CFAP70: variants seen among roughly 807,000 people sequenced by gnomAD.
The protein encoded by CFAP70 is cilia and flagella associated protein 70, also known as cilia- and flagella-associated protein 70.
A neutral mutation model predicts 137.6 loss-of-function variants in CFAP70; 81 were observed. The ratio of observed to expected loss-of-function variants is 0.59; its 90% CI spans 0.49 to 0.71. The LOEUF (loss-of-function observed/expected upper bound fraction) is 0.71, where lower values mean the gene tolerates loss of function less well. CFAP70 is among the 30% of genes least tolerant of loss of function. The pLI is 0.00. For missense variants in CFAP70, 976 were observed against 1,226.7 expected (o/e 0.80, Z 3.05); for synonymous variants, 382 against 423.6 (o/e 0.90, Z 1.20).
intron 25 of CFAP70, among the ~76,000 whole-genome samples, chr10:73,269,187 A>T (rs1470506037): frequency 6.6e-6 from 1 of 152,166 alleles, no homozygotes; most frequent in East Asian, 1.9e-4. Flanking sequence ...AAGTCTAACT[A>T]TGGGAGAGTT....
chr10:73,280,573 GTTT>G (rs1381648648), intron 19 of CFAP70, among the ~76,000 whole-genome samples: 1 of 152,056 alleles, frequency 6.6e-6, no homozygotes, highest in Non-Finnish European at 1.5e-5. Context: ...TTTGTGAGAG[GTTT>G]TTATTACCCA....
chr10:73,253,796 C>T, exon 27 of CFAP70: 1 of 482,000 alleles, frequency 2.1e-6, no homozygotes, highest in East Asian at 3.1e-5. Flanking sequence ...TTTATTGTGA[C>T]CCAGTTTCTC....
chr10:73,309,904 C>G (rs181249986), intron 12 of CFAP70, among the ~76,000 whole-genome samples: 11 of 152,182 alleles, frequency 7.2e-5, no homozygotes, highest in Admixed American at 2.0e-4. Context: ...CAATCCCCCC[C>G]ACCTTGGCCT....
chr10:73,300,010 C>T (rs1479722074), intron 12 of CFAP70, among the ~76,000 whole-genome samples: 2 of 152,048 alleles, frequency 1.3e-5, no homozygotes, highest in African/African-American at 4.8e-5. Context: ...AAATGGGTGT[C>T]AACATTTTAG....
At chr10:73,266,084 G>T (rs1008754266) in intron 25 of CFAP70, among the ~76,000 whole-genome samples, 1 of 152,044 alleles carries the variant, frequency 6.6e-6, no homozygotes, top group Non-Finnish European at 1.5e-5. Context: ...AAAGTTTTAT[G>T]ATTTTCCCCA....
intron 9 of CFAP70, among the ~76,000 whole-genome samples, chr10:73,320,170 T>C (rs561418762): frequency 6.6e-6 from 1 of 152,158 alleles, no homozygotes; most frequent in Non-Finnish European, 1.5e-5. Context: ...CTTTCATACT[T>C]TTCACTGCTT....
intron 25 of CFAP70, among the ~76,000 whole-genome samples, chr10:73,258,400 T>G (rs1042124522): frequency 6.6e-6 from 1 of 152,268 alleles, no homozygotes; most frequent in African/African-American, 2.4e-5. Context: ...ACTCTTATAA[T>G]TTCCTATGCC....
chr10:73,264,382 C>A (rs1007798610), intron 25 of CFAP70, among the ~76,000 whole-genome samples: 2 of 152,182 alleles, frequency 1.3e-5, no homozygotes, highest in Non-Finnish European at 2.9e-5. Flanking sequence ...GAATATATTT[C>A]TATAAATACA....
chr10:73,324,022 C>G (rs59769988), intron 8 of CFAP70, among the ~76,000 whole-genome samples: 23,413 of 152,202 alleles, frequency 0.15, 2,950 homozygotes, highest in African/African-American at 0.32. Flanking sequence ...AGAACGGGCA[C>G]ACTGCCTCTT....
intron 21 of CFAP70, 166 bp downstream of exon 22, chr10:73,277,074 A>G (rs1403495559): frequency 2.6e-6 from 2 of 761,082 alleles, no homozygotes; most frequent in Non-Finnish European, 3.9e-6. Flanking sequence ...ATGTGCAAAG[A>G]GTGGTTCATG....
chr10:73,331,178 T>C lies in CFAP70; in HGVS notation c.776A>G (p.Lys259Arg), dbSNP rs772842116. 3.1e-6 allele frequency: 5 copies of C among 1,607,510 alleles called. 1 individual carries two copies. The South Asian group carries it at 5.5e-5, about 18-fold the overall frequency. Residue 259 changes from lysine (K) to arginine (R), a missense_variant and splice_region_variant, in exon 8 of 27, where the codon AAG becomes AGG. Coordinates refer to ENST00000310715, the Ensembl canonical transcript of CFAP70. ...ATATTTTTGAGGGGGCATATTTACC[T>C]TTTCAGTTTTGCCAGCTTTCCCTTT...
chr10:73,299,385 T>C (rs2048770477), intron 13 of CFAP70, among the ~76,000 whole-genome samples: 2 of 152,214 alleles, frequency 1.3e-5, no homozygotes, highest in South Asian at 4.2e-4. Context: ...ACTTTAAATG[T>C]AAAATGCCCT....
exon 18 of CFAP70, chr10:73,291,746 C>A (rs1276156502): frequency 6.2e-7 from 1 of 1,614,146 alleles, no homozygotes; most frequent in Non-Finnish European, 8.5e-7. Flanking sequence ...GGACACCACA[C>A]AGCAACAAGC....
intron 26 of CFAP70, among the ~76,000 whole-genome samples, chr10:73,255,652 A>T (rs1327485546): frequency 6.7e-6 from 1 of 149,546 alleles, no homozygotes; most frequent in East Asian, 2.0e-4. Flanking sequence ...TGTTTTTGAG[A>T]CGGAGCCTCA....
intron 26 of CFAP70, 138 bp downstream of exon 27, chr10:73,256,231 C>T (rs773118788): frequency 2.0e-5 from 19 of 932,190 alleles, no homozygotes; most frequent in Non-Finnish European, 2.6e-5. Flanking sequence ...AGCAGCCCCA[C>T]GATAATGGCA....
intron 25 of CFAP70, among the ~76,000 whole-genome samples, chr10:73,260,027 CA>C (rs1057096588): frequency 7.6e-4 from 105 of 138,284 alleles, no homozygotes; most frequent in African/African-American, 2.5e-3. Context: ...GACCCTGTCT[CA>C]AAAAAAAAAG....
chr10:73,350,179 G>A (rs2054076904), intron 3 of CFAP70, among the ~76,000 whole-genome samples: 1 of 152,072 alleles, frequency 6.6e-6, no homozygotes, highest in Admixed American at 6.5e-5. Context: ...AAGACACCAG[G>A]CCAATAGTTA....
intron 8 of CFAP70, among the ~76,000 whole-genome samples, chr10:73,328,534 C>T (rs1191772650): frequency 6.8e-6 from 1 of 147,886 alleles, no homozygotes; most frequent in Non-Finnish European, 1.5e-5. Context: ...AAAGAAACTA[C>T]CATCAGAGTG....
At chr10:73,256,345 A>G in intron 26 of CFAP70, 24 bp downstream of exon 27, 3 of 1,614,000 alleles carry the variant, frequency 1.9e-6, no homozygotes, top group Non-Finnish European at 2.5e-6. Context: ...GGGCAGGCAA[A>G]TGACAGAGGC....
Sources: allele counts gnomAD v4.1 joint callset (sites outside exome capture counted in the v4.1 genomes callset), GRCh38; gene constraint gnomAD v4.1.1; transcripts MANE v1.5; gene names NCBI Gene and HGNC (gene_info 2026-07-23, HGNC 2026-07-21).